The following ATP8A1 variants were observed in gnomAD, a reference collection of about 807,000 sequenced individuals.
ATP8A1 encodes the protein phospholipid-transporting ATPase IA.
A neutral mutation model predicts 177.7 loss-of-function variants in ATP8A1; 90 were observed. The ratio of observed to expected loss-of-function variants is 0.51; its 90% CI spans 0.43 to 0.60. ATP8A1 has a LOEUF of 0.60. Ranked by LOEUF, ATP8A1 falls within the 20% of genes least tolerant of loss-of-function variation. ATP8A1 has a pLI of 0.00. For synonymous variants in ATP8A1, 493 were observed against 485.9 expected, an observed-to-expected ratio of 1.01 and a Z score of -0.19; for missense variants, 1,072 against 1,392.8, an observed-to-expected ratio of 0.77 and a Z score of 3.67.
chr4:42,633,096 G>A (rs899025662), intron 1 of ATP8A1, among the ~76,000 whole-genome samples: 1 of 152,174 alleles, frequency 6.6e-6, no homozygotes, highest in Non-Finnish European at 1.5e-5. Context: ...ACTCAGTCAC[G>A]AAGTGAAATG....
Position 42,494,246 on chromosome 4 carries a change from G to A in ATP8A1, c.2152-8578C>T, listed in dbSNP as rs537962049. On this transcript the variant is annotated intron_variant, in intron 24 of 36. Coordinates refer to ENST00000381668, the MANE Select transcript of ATP8A1 (RefSeq NM_006095.2). ...CCAGCACTTTGGGAGGCCGAGGCGG[G>A]TGGATCACCTGAGGTCAGGAGTTCG... 4.6e-5 allele frequency among the ~76,000 whole-genome samples: 7 copies of A among 151,584 alleles called. No homozygotes were observed. In the South Asian group the frequency reaches 1.5e-3, roughly 32 times the overall value.
rs745817993 is a variant in ATP8A1 at position 42,656,814 on chromosome 4, C to T, written c.49+11G>A. On this transcript the variant is annotated intron_variant, in intron 1 of 36. Coordinates refer to ENST00000381668, the MANE Select transcript of ATP8A1 (RefSeq NM_006095.2). ...ACCCCGGGCTAGCCCCGAGCCTCGG[C>T]GGCCCCTTACCTTCGGCGCGCGAGC... The T allele has an allele frequency of 2.6e-6, 4 of 1,563,054 alleles. No individual in the cohort carries two copies. Among genetic ancestry groups the T allele is most frequent in the African/African-American group, 2.8e-5 (2 of 72,614 alleles).
In ATP8A1 at chr4:42,452,012, C is replaced by G. The variant is rs375960450; in HGVS notation, c.2865G>C (p.Leu955=). 7 of 1,613,040 alleles carry G rather than the reference C, an allele frequency of 4.3e-6. No individual in the cohort carries two copies. The highest frequency in any genetic ancestry group is 5.9e-6 in the Non-Finnish European group (7 of 1,179,498). The change falls in exon 30 of 37, where the codon CTG becomes CTC. Residue 955 remains leucine (L), a synonymous_variant. Transcript: ENST00000381668. ...GAAGGGCTTTTAGTGGAAACCAAAA[C>G]AGAATAACTGAGTGGAAGAGGCCAT... ...CLNGLFHSVI[L]FWFPLKALQY... is the part of the protein sequence containing the mutation.
intron 14 of ATP8A1, 37 bp from the exon 15 acceptor site, chr4:42,569,242 A>C (rs369487612): frequency 3.1e-5 from 48 of 1,552,490 alleles, no homozygotes; most frequent in Non-Finnish European, 3.9e-5. Context: ...AAGAGAGGAA[A>C]AATAATCACA....
At chr4:42,554,808 G>A (rs189298785) in intron 16 of ATP8A1, among the ~76,000 whole-genome samples, 29 of 152,306 alleles carry the variant, frequency 1.9e-4, no homozygotes, top group Non-Finnish European at 2.8e-4. Flanking sequence ...TGCCAAAGGA[G>A]ATTAACATTT....
intron 32 of ATP8A1, among the ~76,000 whole-genome samples, chr4:42,444,058 T>C (rs1008875782): frequency 6.6e-6 from 1 of 152,306 alleles, no homozygotes; most frequent in East Asian, 1.9e-4. Context: ...TCCAAACGCC[T>C]TGTGGCAATC....
chr4:42,423,701 G>C lies in ATP8A1; in HGVS notation c.3128C>G (p.Ala1043Gly). 6.2e-7 allele frequency: 1 copy of C among 1,609,810 alleles called. No individual in the cohort carries two copies. Among genetic ancestry groups the C allele is most frequent in the Non-Finnish European group, 8.5e-7 (1 of 1,177,816 alleles). ...PMAPDMSGEA[A>G]MLFSSGVFWM... ...AAAGACTCCAGAACTGAACAACATG[G>C]CTGCCTGTGTAAATCGTCAGAAAAA... The change falls in exon 34 of 37, where the codon GCC (alanine) becomes GGC (glycine). Residue 1043 changes from alanine (A) to glycine (G), a missense_variant. Around this residue, in one of 5 missense-constraint regions of ATP8A1, gnomAD observed 316 missense variants for 459.1 expected, o/e 0.69. Transcript: ENST00000381668.
chr4:42,630,178 G>T (rs1738580252), intron 1 of ATP8A1, among the ~76,000 whole-genome samples: 1 of 152,192 alleles, frequency 6.6e-6, no homozygotes, highest in African/African-American at 2.4e-5. Context: ...CCTAAGCTGA[G>T]CTATTAGAAT....
intron 6 of ATP8A1, among the ~76,000 whole-genome samples, chr4:42,597,190 A>C (rs1435823782): frequency 2.0e-5 from 3 of 152,178 alleles, no homozygotes; most frequent in Non-Finnish European, 4.4e-5. Flanking sequence ...GCAGAGAAAG[A>C]GCCCTGAAGT....
chr4:42,434,652 C>A (rs1349614136), intron 33 of ATP8A1, among the ~76,000 whole-genome samples: 1 of 152,226 alleles, frequency 6.6e-6, no homozygotes, highest in Non-Finnish European at 1.5e-5. Context: ...CTACATCCCT[C>A]TGGCTCTCTT....
At chr4:42,433,628 T>A (rs919241962) in intron 33 of ATP8A1, among the ~76,000 whole-genome samples, 3 of 150,588 alleles carry the variant, frequency 2.0e-5, no homozygotes, top group African/African-American at 7.4e-5. Context: ...TGGCTTGGGT[T>A]ATCCCAAACA....
At chr4:42,575,419 T>C (rs1732344887) in intron 13 of ATP8A1, among the ~76,000 whole-genome samples, 1 of 152,198 alleles carries the variant, frequency 6.6e-6, no homozygotes, top group Non-Finnish European at 1.5e-5. Context: ...TGCTTTACCT[T>C]GAGAGCAAAA....
rs1356897110 is a variant in ATP8A1 at position 42,409,691 on chromosome 4, G to GAATAAT, written c.*3219_*3224dup. 1 of 152,078 alleles carries GAATAAT rather than the reference G, an allele frequency of 6.6e-6. No individual in the cohort carries two copies. Among genetic ancestry groups the GAATAAT allele is most frequent in the Non-Finnish European group, 1.5e-5 (1 of 67,970 alleles). The allele number at this position is 152,078 out of a possible 1,614,324, so 9.4% of individuals were successfully genotyped here. ...GACATTGTCATAATTTTAAAACTAT[G>GAATAAT]AATAATACAATCTATTACTTTCTGA... On this transcript the variant is annotated 3_prime_UTR_variant, in exon 37 of 37. Transcript: ENST00000381668.
intron 27 of ATP8A1, among the ~76,000 whole-genome samples, chr4:42,456,212 T>C (rs114480738): frequency 0.02 from 2,973 of 152,292 alleles, 57 homozygotes; most frequent in South Asian, 0.087. Flanking sequence ...ATGTAACCTC[T>C]ACAATGTGGA....
chr4:42,588,179 G>T, intron 8 of ATP8A1, 81 bp downstream of exon 8: 2 of 1,239,574 alleles, frequency 1.6e-6, no homozygotes, highest in Non-Finnish European at 2.3e-6. Context: ...ATTAGTTCAA[G>T]ACAATAACAC....
At chr4:42,425,611 T>C (rs1234360684) in intron 33 of ATP8A1, among the ~76,000 whole-genome samples, 2 of 152,060 alleles carry the variant, frequency 1.3e-5, no homozygotes, top group Non-Finnish European at 2.9e-5. Flanking sequence ...CCTTTCTGTA[T>C]AAGAAAGCTC....
chr4:42,535,308 G>T (rs1404392963), intron 20 of ATP8A1, among the ~76,000 whole-genome samples: 1 of 152,086 alleles, frequency 6.6e-6, no homozygotes, highest in Non-Finnish European at 1.5e-5. Flanking sequence ...AAGCAAGCAG[G>T]AGTAGCTATT....
chr4:42,632,819 G>A (rs187506289), intron 1 of ATP8A1, among the ~76,000 whole-genome samples: 78 of 152,260 alleles, frequency 5.1e-4, no homozygotes, highest in African/African-American at 1.8e-3. Context: ...TTACCCACAT[G>A]ACCCTGCACA....
intron 15 of ATP8A1, among the ~76,000 whole-genome samples, chr4:42,559,310 A>G (rs1730574801): frequency 6.6e-6 from 1 of 152,228 alleles, no homozygotes; most frequent in African/African-American, 2.4e-5. Context: ...CCAGAAATCA[A>G]TTTACAAAAA....
Sources: allele counts gnomAD v4.1 joint callset (sites outside exome capture counted in the v4.1 genomes callset), GRCh38; gene constraint gnomAD v4.1.1; regional missense constraint gnomAD v4.1.1; transcripts MANE v1.5; gene names NCBI Gene and HGNC (gene_info 2026-07-23, HGNC 2026-07-21).